Variants in NRXN3 observed in about 807,000 individuals in gnomAD.
NRXN3 encodes the protein neurexin 3, also known as neurexin III.
Under a neutral mutation model 137.6 loss-of-function variants are expected in NRXN3, and 32 were observed. The ratio of observed to expected loss-of-function variants is 0.23; its 90% confidence interval spans 0.18 to 0.31. NRXN3 has a LOEUF of 0.31. NRXN3 is among the 10% of genes least tolerant of loss of function. The pLI is 1.00. For missense variants in NRXN3, 1,574 were observed against 2,062.5 expected (o/e 0.76, Z 4.59); for synonymous variants, 798 against 784.5 (o/e 1.02, Z -0.29).
chr14:79,803,807 A>T (rs150637546), intron 19 of NRXN3, among the ~76,000 whole-genome samples: 1 of 151,848 alleles, frequency 6.6e-6, no homozygotes, highest in East Asian at 1.9e-4. Flanking sequence ...ACCTAACTGC[A>T]ATTCTAATTA....
chr14:79,294,374 T>C (rs1047002597), intron 15 of NRXN3, among the ~76,000 whole-genome samples: 1 of 152,210 alleles, frequency 6.6e-6, no homozygotes, highest in African/African-American at 2.4e-5. Flanking sequence ...TTGGCCAGTT[T>C]CCCTTTGTGG....
At chr14:79,108,483 T>C (rs2052874882) in intron 15 of NRXN3, among the ~76,000 whole-genome samples, 1 of 152,166 alleles carries the variant, frequency 6.6e-6, no homozygotes, top group South Asian at 2.1e-4. Flanking sequence ...TAGCTGGATA[T>C]GTAGGACATC....
rs564301451 is a variant in NRXN3 at position 78,214,777 on chromosome 14, C to T, written c.-703-27614C>T. 6.6e-5 allele frequency among the ~76,000 whole-genome samples: 10 copies of T among 152,286 alleles called. No homozygotes were observed. The East Asian group carries it at 9.6e-4, about 15-fold the overall frequency. On this transcript the variant is annotated intron_variant, in intron 1 of 20. Coordinates refer to ENST00000335750, the MANE Select transcript of NRXN3 (RefSeq NM_001330195.2). ...AGCATCAGGAGGCCAGTGACTTCCC[C>T]GTGTTTACATGGCAAGGGGCGCCAG...
chr14:79,407,378 A>G (rs991533064), intron 15 of NRXN3, among the ~76,000 whole-genome samples: 2 of 152,070 alleles, frequency 1.3e-5, no homozygotes, highest in African/African-American at 2.4e-5. Context: ...TCCCTTCATC[A>G]TGCTTCCCAT....
At chr14:78,856,191 C>T (rs2152505492) in intron 10 of NRXN3, among the ~76,000 whole-genome samples, 1 of 152,260 alleles carries the variant, frequency 6.6e-6, no homozygotes, top group African/African-American at 2.4e-5. Flanking sequence ...AGTCATTTTT[C>T]CCCTTTGGAA....
At chr14:78,196,835 C>T (rs758487534) in intron 1 of NRXN3, among the ~76,000 whole-genome samples, 1 of 152,186 alleles carries the variant, frequency 6.6e-6, no homozygotes, top group Non-Finnish European at 1.5e-5. Context: ...TTTGACCTGA[C>T]GGATGAATTG....
At chr14:78,920,522 A>C (rs2099268114) in intron 10 of NRXN3, among the ~76,000 whole-genome samples, 1 of 152,156 alleles carries the variant, frequency 6.6e-6, no homozygotes, top group South Asian at 2.1e-4. Context: ...TCTGACACCA[A>C]CTGGGTGCCC....
At chr14:79,290,030 C>G (rs1258666146) in intron 15 of NRXN3, among the ~76,000 whole-genome samples, 1 of 152,110 alleles carries the variant, frequency 6.6e-6, no homozygotes, top group East Asian at 1.9e-4. Flanking sequence ...CTCACCCCCC[C>G]ACGTTAAAAC....
chr14:79,667,749 T>C (rs572312142), intron 17 of NRXN3, among the ~76,000 whole-genome samples: 7 of 152,114 alleles, frequency 4.6e-5, no homozygotes, highest in Admixed American at 4.6e-4. Flanking sequence ...ATGTTCCTTA[T>C]AAAGTCTCTG....
intron 15 of NRXN3, among the ~76,000 whole-genome samples, chr14:79,221,693 T>G (rs1199010699): frequency 6.6e-6 from 1 of 152,190 alleles, no homozygotes; most frequent in African/African-American, 2.4e-5. Flanking sequence ...TTTCTCCCAT[T>G]CTGTAGATTG....
At position 78,943,619 on chromosome 14, in the gene NRXN3, AAAATATATATATATATATATATATATAT is replaced by A. The variant is rs1168935424; in HGVS notation, c.2276-13621_2276-13594del. ...GAAGCAAGATCACTGTTAAAAAAAA[AAAATATATATATATATATATATATATAT>A]ATATATATATATATATATATATATA... On this transcript the variant is annotated intron_variant, in intron 10 of 20. Coordinates refer to ENST00000335750, the MANE Select transcript of NRXN3 (RefSeq NM_001330195.2). 1.2e-3 allele frequency among the ~76,000 whole-genome samples: 52 copies of A among 42,810 alleles called. 1 individual carries two copies. Among genetic ancestry groups the A allele is most frequent in the East Asian group, 4.7e-3 (5 of 1,066 alleles). The allele number at this position is 42,810 out of a possible 152,430, so 28.1% of individuals were successfully genotyped here.
At chr14:79,683,719 G>A (rs2098682071) in intron 17 of NRXN3, among the ~76,000 whole-genome samples, 1 of 152,130 alleles carries the variant, frequency 6.6e-6, no homozygotes, top group Non-Finnish European at 1.5e-5. Flanking sequence ...TGGGAGATCT[G>A]ATTACCTGGA....
chr14:78,895,626 A>C (rs1450488623), intron 10 of NRXN3, among the ~76,000 whole-genome samples: 1 of 151,952 alleles, frequency 6.6e-6, no homozygotes, highest in Admixed American at 6.6e-5. Flanking sequence ...CAACTAGGTT[A>C]ACTGTTTGGC....
intron 16 of NRXN3, among the ~76,000 whole-genome samples, chr14:79,609,653 A>G (rs1384643423): frequency 6.6e-6 from 1 of 152,214 alleles, no homozygotes; most frequent in African/African-American, 2.4e-5. Flanking sequence ...GTAGAGTAAA[A>G]TGTACAATTT....
In NRXN3 at chr14:78,541,865, C is replaced by T. The variant is rs543239506; in HGVS notation, c.758-103255C>T. On this transcript the variant is annotated intron_variant, in intron 4 of 20. Transcript: ENST00000335750. ...TTCTGTTTGTTAGTTTTCCTTCTAACAGTCTGGTCCCTCAGCTGCAGGTCT... is the reference window on the plus strand; with the variant it reads ...TTCTGTTTGTTAGTTTTCCTTCTAATAGTCTGGTCCCTCAGCTGCAGGTCT... 1.4e-4 allele frequency among the ~76,000 whole-genome samples: 21 copies of T among 152,344 alleles called. No individual in the cohort carries two copies. The East Asian group carries it at 3.9e-3, about 28-fold the overall frequency.
intron 15 of NRXN3, among the ~76,000 whole-genome samples, chr14:79,007,119 T>C (rs2099554661): frequency 6.6e-6 from 1 of 152,236 alleles, no homozygotes; most frequent in South Asian, 2.1e-4. Context: ...CTTTGGATAC[T>C]TTTATTGTGT....
At chr14:79,833,054 C>T (rs1194927446) in intron 20 of NRXN3, among the ~76,000 whole-genome samples, 1 of 152,076 alleles carries the variant, frequency 6.6e-6, no homozygotes, top group Non-Finnish European at 1.5e-5. Context: ...GGAATCCATG[C>T]AACTAATAGA....
chr14:78,715,650 T>A (rs1296912730), intron 8 of NRXN3, among the ~76,000 whole-genome samples: 1 of 152,154 alleles, frequency 6.6e-6, no homozygotes, highest in Non-Finnish European at 1.5e-5. Context: ...GATGTATTAG[T>A]TAAGAACATA....
intron 15 of NRXN3, among the ~76,000 whole-genome samples, chr14:79,376,208 GTGTATGTATATA>G (rs1566949532): frequency 4.7e-5 from 2 of 42,658 alleles, no homozygotes; most frequent in African/African-American, 2.1e-4. Context: ...GTGTGTGTGT[GTGTATGTATATA>G]TATATATATA....
Sources: gnomAD v4.1 joint callset for allele counts (sites outside exome capture counted in the v4.1 genomes callset) on GRCh38, gnomAD v4.1.1 for gene constraint, MANE v1.5 for transcripts, NCBI Gene and HGNC (gene_info 2026-07-23, HGNC 2026-07-21) for gene names.